The following CPNE7 variants were observed in gnomAD, a reference collection of about 807,000 sequenced individuals.
The protein encoded by CPNE7 is copine 7, also known as copine-7.
Under a neutral mutation model 66.5 loss-of-function variants are expected in CPNE7, and 78 were observed. The ratio of observed to expected loss-of-function variants is 1.17; its 90% CI spans 0.98 to 1.42. The LOEUF (loss-of-function observed/expected upper bound fraction) is 1.42, where lower values mean the gene tolerates loss of function less well. Ranked by LOEUF, CPNE7 falls within the 40% of genes most tolerant of loss-of-function variation. The pLI is 0.00. For synonymous variants in CPNE7, 468 were observed against 336.7 expected, an observed-to-expected ratio of 1.39 and a Z score of -4.27; for missense variants, 1,012 against 776.6, an observed-to-expected ratio of 1.30 and a Z score of -3.60.
chr16:89,596,182 TCA>T (rs1454920321), intron 14 of CPNE7, among the ~76,000 whole-genome samples: 10 of 152,242 alleles, frequency 6.6e-5, no homozygotes. Context: ...GTGAGTCACA[TCA>T]CACAGACACG....
intron 1 of CPNE7, among the ~76,000 whole-genome samples, chr16:89,576,802 G>T (rs1345284807): frequency 6.6e-6 from 1 of 152,188 alleles, no homozygotes; most frequent in Non-Finnish European, 1.5e-5. Flanking sequence ...TCGGGCGGTG[G>T]AAGGGACGCG....
In CPNE7 at chr16:89,591,037, C is replaced by G. The variant is rs1399251799; in HGVS notation, c.1147C>G (p.Pro383Ala). ...VSHDFAINFN[P>A]EDDECEGIQG... The stretch of plus-strand genomic sequence containing the variant: ...CCATGACTTTGCCATCAATTTCAAC[C>G]CTGAGGACGATGAGTGTGAAGGTAG... The change falls in exon 12 of 15, where the codon CCT becomes GCT. Residue 383 changes from proline (P) to alanine (A), a missense_variant. Pro to Ala is a conservative substitution (Grantham distance 27). Coordinates refer to ENST00000319518, the MANE Select transcript of CPNE7 (RefSeq NM_153636.3). 6.2e-7 allele frequency: 1 copy of G among 1,613,728 alleles called. No homozygotes were observed. The highest frequency in any genetic ancestry group is 1.7e-5 in the Admixed American group (1 of 60,012).
In CPNE7 at chr16:89,588,779, C is replaced by T. The variant is rs143506526; in HGVS notation, c.1032C>T (p.Ser344=). The change falls in exon 10 of 15, where the codon TCC becomes TCT. Residue 344 remains serine (S), a synonymous_variant. Transcript: ENST00000319518. ...ACGAGTACCTGAAGGCACTGGTGTCCGTGGGCGAGATCTGCCAGGACTATG... is the reference window on the plus strand; with the variant it reads ...ACGAGTACCTGAAGGCACTGGTGTCTGTGGGCGAGATCTGCCAGGACTATG... ...QPNEYLKALV[S]VGEICQDYDS... 127 of 1,613,716 alleles carry T rather than the reference C, an allele frequency of 7.9e-5. No homozygotes were observed. Among genetic ancestry groups the T allele is most frequent in the South Asian group, 1.3e-4 (12 of 91,078 alleles).
chr16:89,595,924 C>G, intron 14 of CPNE7: 1 of 547,712 alleles, frequency 1.8e-6, no homozygotes, highest in South Asian at 1.5e-5. Context: ...ACAGCACACA[C>G]GTGAGGTTCT....
rs1406578912 is a variant in CPNE7 at position 89,581,278 on chromosome 16, TGTCACCAGTCACACAGAACATCCC to T, written c.358-2412_358-2389del. 1.4e-3 allele frequency among the ~76,000 whole-genome samples: 176 copies of T among 126,030 alleles called. 1 individual carries two copies. Among genetic ancestry groups the T allele is most frequent in the African/African-American group, 4.8e-3 (171 of 35,704 alleles). The allele number at this position is 126,030 out of a possible 152,430, so 82.7% of individuals were successfully genotyped here. ...CGATCACCCGTCACACGGAACATCC[TGTCACCAGTCACACAGAACATCCC>T]GTCACCCATCACACGGAACATCCCA... On this transcript the variant is annotated intron_variant, in intron 2 of 14. Transcript: ENST00000319518.
chr16:89,596,964 A>C lies in CPNE7; in HGVS notation c.*343A>C. On this transcript the variant is annotated 3_prime_UTR_variant, in exon 15 of 15. Transcript: ENST00000319518. The stretch of plus-strand genomic sequence containing the variant: ...GACTGGGGGCTCTGCTTTGCGTCTA[A>C]CCTTTGTGGGGGAGGGCCAGCAAGG... 5.1e-6 allele frequency: 1 copy of C among 196,928 alleles called. No individual in the cohort carries two copies. 12.2% of individuals were successfully genotyped at this position (196,928 alleles called of 1,614,324 possible).
chr16:89,583,410 T>G, intron 2 of CPNE7: 1 of 1,543,538 alleles, frequency 6.5e-7, no homozygotes, highest in Middle Eastern at 1.7e-4. Flanking sequence ...CTTCCTGGCT[T>G]CCACCTGAGC....
intron 11 of CPNE7, among the ~76,000 whole-genome samples, chr16:89,590,197 C>T (rs113961663): frequency 9.2e-5 from 14 of 152,332 alleles, no homozygotes; most frequent in African/African-American, 3.1e-4. Context: ...TAGGGAAGGA[C>T]GTTAGTGTGG....
rs928959101 is a variant in CPNE7 at position 89,596,709 on chromosome 16, C to T, written c.*88C>T. On this transcript the variant is annotated 3_prime_UTR_variant, in exon 15 of 15. Transcript: ENST00000319518. The stretch of plus-strand genomic sequence containing the variant: ...ATGCTTGGGGTCCCTTAAGCTCCCT[C>T]CGACCTCCCAGAAGCCTCCAGTCCC... 59 of 1,377,700 alleles carry T rather than the reference C, an allele frequency of 4.3e-5. 1 individual carries two copies. In the African/African-American group the frequency reaches 8.5e-4, roughly 20 times the overall value. 85.3% of individuals were successfully genotyped at this position (1,377,700 alleles called of 1,614,324 possible).
At chr16:89,592,722 G>A (rs2059192987) in intron 13 of CPNE7, among the ~76,000 whole-genome samples, 1 of 150,688 alleles carries the variant, frequency 6.6e-6, no homozygotes, top group Non-Finnish European at 1.5e-5. Context: ...GATTACAGGA[G>A]TGAGCCACCG....
intron 13 of CPNE7, among the ~76,000 whole-genome samples, chr16:89,593,319 C>A: frequency 6.6e-6 from 1 of 151,866 alleles, no homozygotes; most frequent in East Asian, 1.9e-4. Flanking sequence ...TGTGAACCGT[C>A]CGAGAGCACG....
At chr16:89,588,881 C>T in intron 10 of CPNE7, 73 bp downstream of exon 10, 2 of 1,576,152 alleles carry the variant, frequency 1.3e-6, no homozygotes, top group Non-Finnish European at 1.7e-6. Flanking sequence ...CCGTCTTCCC[C>T]CTCACCCCCC....
chr16:89,577,588 A>T lies in CPNE7; in HGVS notation c.224A>T (p.Lys75Met). The T allele has an allele frequency of 6.4e-7, 1 of 1,554,522 alleles. No individual in the cohort carries two copies. The highest frequency in any genetic ancestry group is 8.7e-7 in the Non-Finnish European group (1 of 1,148,496). The change falls in exon 2 of 15, where the codon AAG becomes ATG. Residue 75 changes from lysine to methionine, a missense_variant. Lys to Met is a moderately conservative substitution (Grantham distance 95). Transcript: ENST00000319518. Reference protein sequence around the residue: ...VRSSLHPVFSKVFTVDYYFEE... With the variant: ...VRSSLHPVFSMVFTVDYYFEE... The stretch of plus-strand genomic sequence containing the variant: ...AGCAGCCTGCATCCCGTGTTCTCCA[A>T]GGTCTTCACGGTGGACTACTACTTC...
rs368767587 is a variant in CPNE7, at chr16:89,584,246, C to T, written c.507+144C>T. The T allele has an allele frequency of 4.7e-4, 371 of 792,202 alleles. 1 individual carries two copies. In the African/African-American group the frequency reaches 5.9e-3, roughly 13 times the overall value. 49.1% of individuals were successfully genotyped at this position (792,202 alleles called of 1,614,324 possible). A position where few individuals can be genotyped will look rare whatever the true frequency, so the allele number is the denominator to read the frequency against. ...GTGTGCCTGGGGCTGGGCGTGCTGC[C>T]GTCACGGTCGCCATCATCACTGTCA... On this transcript the variant is annotated intron_variant, in intron 4 of 14. Transcript: ENST00000319518. The surrounding 1 kb of genome is among the most constrained non-coding windows in gnomAD (Gnocchi z 6.0).
Position 89,585,748 on chromosome 16 carries a change from C to T in CPNE7, c.743C>T (p.Thr248Ile). 6.5e-7 allele frequency: 1 copy of T among 1,536,406 alleles called. No homozygotes were observed. Among genetic ancestry groups the T allele is most frequent in the Non-Finnish European group, 8.8e-7 (1 of 1,140,412 alleles). ...KHDFIGEFST[T>I]FEEMQKAFEE... ...GACTTCATCGGAGAATTCTCTACCACCTTCGAGGAGATGCAGAAGGCCTTT... is the reference window on the plus strand; with the variant it reads ...GACTTCATCGGAGAATTCTCTACCATCTTCGAGGAGATGCAGAAGGCCTTT... Residue 248 changes from threonine to isoleucine, a missense_variant, in exon 7 of 15, where the codon ACC (threonine) becomes ATC (isoleucine). Transcript: ENST00000319518.
At chr16:89,580,521 C>T (rs868224351) in intron 2 of CPNE7, among the ~76,000 whole-genome samples, 99 of 143,876 alleles carry the variant, frequency 6.9e-4, no homozygotes, top group African/African-American at 9.0e-4. Flanking sequence ...ACCCGTCACA[C>T]GGAACATCCC....
chr16:89,578,750 ACT>A (rs1170979509), intron 2 of CPNE7: 9 of 1,323,566 alleles, frequency 6.8e-6, no homozygotes, highest in Admixed American at 7.8e-5. Flanking sequence ...ACAGATTGAG[ACT>A]CTGTCTCAAA....
At chr16:89,586,588 T>G in intron 7 of CPNE7, 82 bp from the exon 8 acceptor site, 2 of 1,135,080 alleles carry the variant, frequency 1.8e-6, no homozygotes, top group Non-Finnish European at 2.6e-6. Flanking sequence ...GCCGTCGCTA[T>G]TGGGGATGGT....
At position 89,596,981 on chromosome 16, in the gene CPNE7, C is replaced by T; in HGVS notation, c.*360C>T. On this transcript the variant is annotated 3_prime_UTR_variant, in exon 15 of 15. Coordinates refer to ENST00000319518, the MANE Select transcript of CPNE7 (RefSeq NM_153636.3). Reference sequence around the variant, plus strand: ...TGCGTCTAACCTTTGTGGGGGAGGGCCAGCAAGGCAGTCCCCCCACGCCCG... The same window carrying T: ...TGCGTCTAACCTTTGTGGGGGAGGGTCAGCAAGGCAGTCCCCCCACGCCCG... The T allele has an allele frequency of 5.4e-6, 1 of 184,978 alleles. No individual in the cohort carries two copies. Among genetic ancestry groups the T allele is most frequent in the East Asian group, 1.4e-4 (1 of 7,206 alleles). The allele number at this position is 184,978 out of a possible 1,614,324, so 11.5% of individuals were successfully genotyped here. A position where few individuals can be genotyped will look rare whatever the true frequency, so the allele number is the denominator to read the frequency against.
Sources: allele counts gnomAD v4.1 joint callset (sites outside exome capture counted in the v4.1 genomes callset), GRCh38; gene constraint gnomAD v4.1.1; non-coding constraint Gnocchi (gnomAD v3.1); transcripts MANE v1.5; gene names NCBI Gene and HGNC (gene_info 2026-07-23, HGNC 2026-07-21).